The following ADD2 variants were observed in gnomAD, a reference collection of about 807,000 sequenced individuals.
ADD2 encodes the protein beta-adducin.
Under a neutral mutation model 83.0 loss-of-function variants are expected in ADD2, and 23 were observed. The ratio of observed to expected loss-of-function variants is 0.28; its 90% CI spans 0.20 to 0.39. ADD2 has a LOEUF of 0.39. Among genes scored for constraint, ADD2 ranks in the 10% least tolerant of loss-of-function variants. The pLI, the probability that ADD2 is intolerant of heterozygous loss-of-function variation, is 1.00. For missense variants in ADD2, 758 were observed against 944.9 expected (o/e 0.80, Z 2.59); for synonymous variants, 375 against 375.4 (o/e 1.00, Z 0.01).
intron 1 of ADD2, among the ~76,000 whole-genome samples, chr2:70,747,997 C>T (rs1327036421): frequency 1.3e-5 from 2 of 152,176 alleles, no homozygotes; most frequent in East Asian, 1.9e-4. Context: ...TTTATAATGG[C>T]ATAAATTTTT....
intron 1 of ADD2, among the ~76,000 whole-genome samples, chr2:70,728,205 G>A (rs1444819990): frequency 6.6e-6 from 1 of 152,200 alleles, no homozygotes; most frequent in Non-Finnish European, 1.5e-5. Flanking sequence ...GGCCACTGCA[G>A]TGCTCTCTGT....
At position 70,678,648 on chromosome 2, in the gene ADD2, C is replaced by A. The variant is rs964387046; in HGVS notation, c.1383+56G>T. ...CTGTTCCCGTTTTAAAAATGCTTCA[C>A]CCTGCTAATGCAGCCTGCCCCTCTC... On this transcript the variant is annotated intron_variant, in intron 11 of 15. Coordinates refer to ENST00000264436, the MANE Select transcript of ADD2 (RefSeq NM_001617.4). 2.9e-5 allele frequency: 43 copies of A among 1,505,722 alleles called. No individual in the cohort carries two copies. The Admixed American group carries it at 8.7e-4, about 31-fold the overall frequency. 93.3% of individuals were successfully genotyped at this position (1,505,722 alleles called of 1,614,324 possible). A position where few individuals can be genotyped will look rare whatever the true frequency, so the allele number is the denominator to read the frequency against.
chr2:70,749,713 C>T (rs1387811356), intron 1 of ADD2, among the ~76,000 whole-genome samples: 3 of 152,164 alleles, frequency 2.0e-5, no homozygotes, highest in African/African-American at 7.2e-5. Flanking sequence ...CTCCTTCTCC[C>T]TGTCTAGAAG....
At chr2:70,684,227 C>T (rs1553370143) in intron 9 of ADD2, among the ~76,000 whole-genome samples, 2 of 152,042 alleles carry the variant, frequency 1.3e-5, no homozygotes, top group African/African-American at 4.8e-5. Flanking sequence ...CTGCACTTTT[C>T]TGTATGTTTG....
chr2:70,673,137 C>G (rs893278106), intron 14 of ADD2, 131 bp from the exon 15 acceptor site: 2 of 1,536,270 alleles, frequency 1.3e-6, no homozygotes, highest in Non-Finnish European at 1.8e-6. Flanking sequence ...AGACTTCTAG[C>G]TGAAGTTAGC....
intron 13 of ADD2, chr2:70,675,965 T>C: frequency 1.0e-6 from 1 of 985,410 alleles, no homozygotes. Flanking sequence ...CTTGGCTGAG[T>C]TGGGGTTGGG....
intron 1 of ADD2, among the ~76,000 whole-genome samples, chr2:70,734,036 C>T (rs1673403006): frequency 6.6e-6 from 1 of 152,162 alleles, no homozygotes; most frequent in Admixed American, 6.5e-5. Context: ...CCCACTTCTC[C>T]TGCCGGGACC....
At chr2:70,718,102 C>T (rs782136801) in intron 1 of ADD2, among the ~76,000 whole-genome samples, 2 of 152,134 alleles carry the variant, frequency 1.3e-5, no homozygotes, top group Non-Finnish European at 2.9e-5. Context: ...CTAGTGAAGT[C>T]CAGTGAATTT....
Position 70,706,064 on chromosome 2 carries a change from A to G in ADD2, c.183+162T>C, listed in dbSNP as rs1671869035. Among the ~76,000 whole-genome samples the G allele has an allele frequency of 6.6e-6, 1 of 152,140 alleles. No individual in the cohort carries two copies. Among genetic ancestry groups the G allele is most frequent in the Non-Finnish European group, 1.5e-5 (1 of 68,026 alleles). On this transcript the variant is annotated intron_variant, in intron 3 of 15. Transcript: ENST00000264436. The surrounding 1 kb of genome is among the most constrained non-coding windows in gnomAD (Gnocchi z 5.0). ...CTGCCATCCACCAGTTACAAGGGAGAGTGTCAAGGCCCCAGGTGACCAGAT... is the reference window on the plus strand; with the variant it reads ...CTGCCATCCACCAGTTACAAGGGAGGGTGTCAAGGCCCCAGGTGACCAGAT...
chr2:70,670,704 TGAAA>T (rs1669859619), intron 15 of ADD2, among the ~76,000 whole-genome samples: 3 of 152,100 alleles, frequency 2.0e-5, no homozygotes, highest in Admixed American at 2.0e-4. Flanking sequence ...GGGCTAGATG[TGAAA>T]GAGCAGAGAC....
chr2:70,668,518 C>G (rs1461605345), intron 15 of ADD2, among the ~76,000 whole-genome samples: 2 of 152,178 alleles, frequency 1.3e-5, no homozygotes, highest in Non-Finnish European at 2.9e-5. Context: ...ATTCATCACC[C>G]AAGTACACTG....
Position 70,706,208 on chromosome 2 carries a change from CGGG to C in ADD2, c.183+15_183+17del, listed in dbSNP as rs1553374373. 6.3e-4 allele frequency: 1,019 copies of C among 1,610,558 alleles called. 3 individuals carry two copies. The highest frequency in any genetic ancestry group is 3.1e-3 in the Middle Eastern group (18 of 5,810). ...AGCGCCCCCTGCGCCCTCTCCCGCC[CGGG>C]TCAGCCCCACTCACGGGACTCTGCA... is the stretch of plus-strand genomic sequence containing the variant. On this transcript the variant is annotated intron_variant, in intron 3 of 15. Coordinates refer to ENST00000264436, the MANE Select transcript of ADD2 (RefSeq NM_001617.4). This position sits in a 1 kb window ranked among gnomAD's most constrained non-coding sequence, Gnocchi z 5.0.
intron 1 of ADD2, among the ~76,000 whole-genome samples, chr2:70,722,504 G>A (rs1197195170): frequency 6.6e-6 from 1 of 152,168 alleles, no homozygotes; most frequent in Non-Finnish European, 1.5e-5. Context: ...TACTGGGTCA[G>A]GGAGCTGAAG....
chr2:70,727,928 T>A (rs1285030839), intron 1 of ADD2, among the ~76,000 whole-genome samples: 1 of 146,530 alleles, frequency 6.8e-6, no homozygotes, highest in African/African-American at 2.7e-5. Context: ...AATAAATAAA[T>A]AAATAAAATG....
chr2:70,667,734 T>C (rs558222227), intron 15 of ADD2, among the ~76,000 whole-genome samples: 2 of 152,180 alleles, frequency 1.3e-5, no homozygotes, highest in East Asian at 3.9e-4. Flanking sequence ...TTGTCCTGCC[T>C]CAGCCTCCCG....
At chr2:70,732,392 C>A (rs1553379469) in intron 1 of ADD2, among the ~76,000 whole-genome samples, 1 of 152,186 alleles carries the variant, frequency 6.6e-6, no homozygotes, top group African/African-American at 2.4e-5. Flanking sequence ...CATTTGAATG[C>A]AATGATATCT....
chr2:70,681,134 C>T (rs2104264466), intron 10 of ADD2, among the ~76,000 whole-genome samples: 1 of 152,312 alleles, frequency 6.6e-6, no homozygotes, highest in African/African-American at 2.4e-5. Context: ...TCCCCAATTA[C>T]TCCTGTAAAT....
chr2:70,765,714 G>C (rs1553385892), intron 1 of ADD2, among the ~76,000 whole-genome samples: 1 of 152,230 alleles, frequency 6.6e-6, no homozygotes, highest in Admixed American at 6.5e-5. Flanking sequence ...CTGCAAGAAA[G>C]TTTAGAGCTG....
intron 14 of ADD2, 90 bp from the exon 15 acceptor site, chr2:70,673,096 A>G (rs1266028639): frequency 9.0e-6 from 14 of 1,547,260 alleles, no homozygotes; most frequent in Non-Finnish European, 1.1e-5. Context: ...ACTTTTTTCT[A>G]TTTGGTCATC....
Sources: allele counts gnomAD v4.1 joint callset (sites outside exome capture counted in the v4.1 genomes callset), GRCh38; gene constraint gnomAD v4.1.1; non-coding constraint Gnocchi (gnomAD v3.1); transcripts MANE v1.5; gene names NCBI Gene and HGNC (gene_info 2026-07-23, HGNC 2026-07-21).